The following FBXL17 variants were observed in gnomAD, a reference collection of about 807,000 sequenced individuals.
The protein encoded by FBXL17 is F-box/LRR-repeat protein 17.
In FBXL17, 22 loss-of-function variants were observed where a neutral mutation model predicts 66.2. The observed-to-expected ratio is 0.33, with a 90% CI of 0.24 to 0.47. The LOEUF is 0.47. FBXL17 is among the 20% of genes least tolerant of loss of function. The pLI is 1.00. For missense variants in FBXL17, 878 were observed against 948.2 expected, an observed-to-expected ratio of 0.93 and a Z score of 0.97; for synonymous variants, 474 against 400.5, an observed-to-expected ratio of 1.18 and a Z score of -2.19.
intron 4 of FBXL17, among the ~76,000 whole-genome samples, chr5:108,332,906 G>A (rs1385961508): frequency 3.3e-4 from 24 of 73,096 alleles, no homozygotes; most frequent in Admixed American, 2.0e-4. Context: ...AGTGGCCAGG[G>A]CAAACATGTT....
At chr5:108,191,488 T>C (rs1753469528) in intron 5 of FBXL17, among the ~76,000 whole-genome samples, 4 of 152,166 alleles carry the variant, frequency 2.6e-5, no homozygotes, top group South Asian at 2.1e-4. Context: ...AAAAATTGTG[T>C]AGAGAAGAAA....
At chr5:108,224,513 A>ATATATG (rs987943827) in intron 4 of FBXL17, among the ~76,000 whole-genome samples, 1 of 146,688 alleles carries the variant, frequency 6.8e-6, no homozygotes, top group South Asian at 2.2e-4. Context: ...GTGTGTGTAT[A>ATATATG]TATATGTATA....
intron 6 of FBXL17, among the ~76,000 whole-genome samples, chr5:108,056,129 T>C (rs1234968439): frequency 6.6e-6 from 1 of 152,234 alleles, no homozygotes. Context: ...TCCTATTAAT[T>C]CTTTTATACC....
chr5:108,268,168 A>G (rs1757120534), intron 4 of FBXL17, among the ~76,000 whole-genome samples: 1 of 152,006 alleles, frequency 6.6e-6, no homozygotes, highest in African/African-American at 2.4e-5. Flanking sequence ...GAAATTAAAG[A>G]GCTACATGAT....
At chr5:108,083,089 C>A (rs1250829583) in intron 6 of FBXL17, among the ~76,000 whole-genome samples, 1 of 151,946 alleles carries the variant, frequency 6.6e-6, no homozygotes, top group Non-Finnish European at 1.5e-5. Context: ...ATTATAACCC[C>A]CAAATAATCA....
chr5:108,058,803 G>T (rs539997026), intron 6 of FBXL17, among the ~76,000 whole-genome samples: 11 of 152,252 alleles, frequency 7.2e-5, no homozygotes, highest in African/African-American at 2.6e-4. Flanking sequence ...AATGCCTTGA[G>T]GTACTTCTAC....
chr5:108,331,563 T>C (rs548853441), intron 4 of FBXL17, among the ~76,000 whole-genome samples: 58 of 152,346 alleles, frequency 3.8e-4, no homozygotes, highest in African/African-American at 1.4e-3. Context: ...ATTAAATCAA[T>C]AGCACTTCTA....
intron 6 of FBXL17, among the ~76,000 whole-genome samples, chr5:108,034,029 A>T (rs1488714471): frequency 2.6e-5 from 4 of 151,878 alleles, no homozygotes; most frequent in African/African-American, 7.3e-5. Flanking sequence ...CTTGTTGTAA[A>T]CCCCATGCAA....
At chr5:108,082,583 T>C (rs1748811408) in intron 6 of FBXL17, among the ~76,000 whole-genome samples, 1 of 152,046 alleles carries the variant, frequency 6.6e-6, no homozygotes, top group Non-Finnish European at 1.5e-5. Flanking sequence ...TTCTGTTTTT[T>C]CAACTTTTCT....
chr5:108,316,381 A>G (rs1370676494), intron 4 of FBXL17, among the ~76,000 whole-genome samples: 1 of 151,446 alleles, frequency 6.6e-6, no homozygotes, highest in Non-Finnish European at 1.5e-5. Context: ...CTACAACTAT[A>G]AATTACTTCT....
chr5:108,025,744 C>A (rs1754794129), intron 6 of FBXL17, among the ~76,000 whole-genome samples: 1 of 151,512 alleles, frequency 6.6e-6, no homozygotes, highest in Admixed American at 6.6e-5. Context: ...CACACACACA[C>A]ACACACACAC....
chr5:107,999,919 A>C (rs1753648926), intron 7 of FBXL17, among the ~76,000 whole-genome samples: 1 of 152,214 alleles, frequency 6.6e-6, no homozygotes, highest in African/African-American at 2.4e-5. Flanking sequence ...CACACCAATT[A>C]AGAACAAGTA....
chr5:108,379,922 G>C (rs1749722258), intron 1 of FBXL17, among the ~76,000 whole-genome samples: 1 of 152,130 alleles, frequency 6.6e-6, no homozygotes, highest in South Asian at 2.1e-4. Context: ...TTTTATGCAA[G>C]GGTTAAAATG....
At chr5:107,989,577 G>A (rs1435946062) in intron 7 of FBXL17, among the ~76,000 whole-genome samples, 1 of 152,102 alleles carries the variant, frequency 6.6e-6, no homozygotes, top group Non-Finnish European at 1.5e-5. Context: ...TGGTTATTGT[G>A]AATAGTGCTG....
At chr5:108,258,737 ATT>A (rs759401052) in intron 4 of FBXL17, among the ~76,000 whole-genome samples, 3,086 of 122,742 alleles carry the variant, frequency 0.025, 109 homozygotes, top group African/African-American at 0.084. Flanking sequence ...GGCCTTTAAC[ATT>A]TTTTTTTTTT....
chr5:108,286,004 T>C (rs1259386356), intron 4 of FBXL17, among the ~76,000 whole-genome samples: 3 of 151,864 alleles, frequency 2.0e-5, no homozygotes, highest in African/African-American at 2.4e-5. Flanking sequence ...TGTCAATAAA[T>C]GTGATTCCTC....
intron 6 of FBXL17, among the ~76,000 whole-genome samples, chr5:108,111,157 T>G (rs1409116012): frequency 6.6e-6 from 1 of 151,390 alleles, no homozygotes; most frequent in Non-Finnish European, 1.5e-5. Flanking sequence ...AGTGAATTCA[T>G]ACATATAAAT....
intron 6 of FBXL17, among the ~76,000 whole-genome samples, chr5:108,063,350 T>C (rs1747998027): frequency 6.6e-6 from 1 of 152,170 alleles, no homozygotes. Flanking sequence ...GAGAAGCCAA[T>C]AACTAACCTT....
At chr5:107,977,618 C>A (rs769421535) in intron 7 of FBXL17, among the ~76,000 whole-genome samples, 5 of 152,132 alleles carry the variant, frequency 3.3e-5, no homozygotes, top group Admixed American at 1.3e-4. Flanking sequence ...ACAGTCACTG[C>A]CTGAGAGTCT....
Sources: gnomAD v4.1 joint callset for allele counts (sites outside exome capture counted in the v4.1 genomes callset) on GRCh38, gnomAD v4.1.1 for gene constraint, MANE v1.5 for transcripts, NCBI Gene and HGNC (gene_info 2026-07-23, HGNC 2026-07-21) for gene names.